Variants in NPAS2 observed in about 807,000 individuals in gnomAD.
NPAS2 encodes neuronal PAS domain protein 2.
Under a neutral mutation model 107.5 loss-of-function variants are expected in NPAS2, and 23 were observed. That is an observed-to-expected ratio of 0.21 (90% CI 0.15 to 0.30). The LOEUF (loss-of-function observed/expected upper bound fraction) is 0.30. NPAS2 is among the 10% of genes least tolerant of loss of function. The probability of loss-of-function intolerance (pLI) is 1.00; values close to 1 mark genes in which losing one functional copy is unlikely to be tolerated. For missense variants in NPAS2, 756 were observed against 1,043.3 expected (o/e 0.72, Z 3.79); for synonymous variants, 403 against 417.5 (o/e 0.97, Z 0.42).
intron 1 of NPAS2, among the ~76,000 whole-genome samples, chr2:100,890,574 G>T (rs1680987700): frequency 1.3e-5 from 2 of 151,900 alleles, no homozygotes. Context: ...CCACTTGAGG[G>T]GCTCCAAATG....
intron 1 of NPAS2, among the ~76,000 whole-genome samples, chr2:100,861,069 G>A (rs1017981566): frequency 4.0e-5 from 6 of 148,486 alleles, no homozygotes; most frequent in Non-Finnish European, 8.9e-5. Flanking sequence ...GTCTCACTTT[G>A]TTGCCCAGGC....
intron 1 of NPAS2, among the ~76,000 whole-genome samples, chr2:100,845,135 C>T (rs890685701): frequency 2.4e-4 from 36 of 152,226 alleles, no homozygotes; most frequent in Admixed American, 4.6e-4. Flanking sequence ...CTGTGTGATC[C>T]GTTAGGGGAG....
chr2:100,931,736 G>A (rs374280376), intron 3 of NPAS2, among the ~76,000 whole-genome samples: 11 of 151,960 alleles, frequency 7.2e-5, no homozygotes, highest in South Asian at 2.1e-4. Flanking sequence ...TGCCCATCTC[G>A]GCCTCCCAAA....
intron 1 of NPAS2, among the ~76,000 whole-genome samples, chr2:100,893,232 T>C (rs980860670): frequency 6.6e-6 from 1 of 152,180 alleles, no homozygotes; most frequent in African/African-American, 2.4e-5. Context: ...ATGTGTGAGA[T>C]ACAGACGTTA....
chr2:100,881,079 T>C (rs928855113), intron 1 of NPAS2, among the ~76,000 whole-genome samples: 3 of 152,182 alleles, frequency 2.0e-5, no homozygotes, highest in Admixed American at 6.5e-5. Context: ...ACCCCAGGGA[T>C]GCTGACGCTG....
intron 7 of NPAS2, among the ~76,000 whole-genome samples, chr2:100,954,909 G>A (rs986521819): frequency 2.0e-4 from 30 of 150,532 alleles, no homozygotes; most frequent in Admixed American, 1.1e-3. Context: ...ACGGAGTCTC[G>A]CTCTGTCACC....
intron 1 of NPAS2, among the ~76,000 whole-genome samples, chr2:100,898,964 T>C (rs1681601016): frequency 6.6e-6 from 1 of 152,200 alleles, no homozygotes; most frequent in Admixed American, 6.5e-5. Context: ...GGACACTTTA[T>C]TTCCTGGGTC....
chr2:100,994,977 G>C (rs557032972), intron 20 of NPAS2: 1 of 168,210 alleles, frequency 5.9e-6, no homozygotes, highest in South Asian at 2.0e-4. Context: ...GGTAGCTACG[G>C]GATCAGGGAC....
intron 5 of NPAS2, among the ~76,000 whole-genome samples, chr2:100,945,904 C>G (rs1465750937): frequency 6.6e-6 from 1 of 152,180 alleles, no homozygotes; most frequent in African/African-American, 2.4e-5. Flanking sequence ...TAATGCCTGT[C>G]ATAGTGCTGG....
chr2:100,937,431 A>T (rs1381145221), intron 4 of NPAS2, among the ~76,000 whole-genome samples: 3 of 152,202 alleles, frequency 2.0e-5, no homozygotes, highest in Admixed American at 6.5e-5. Context: ...CAAGGGTGGT[A>T]TTTCTGAATC....
chr2:100,838,598 G>A (rs1480446412), intron 1 of NPAS2, among the ~76,000 whole-genome samples: 1 of 152,064 alleles, frequency 6.6e-6, no homozygotes, highest in Non-Finnish European at 1.5e-5. Flanking sequence ...AGATTGATTT[G>A]CATAGTCAGT....
intron 11 of NPAS2, among the ~76,000 whole-genome samples, chr2:100,970,352 G>A (rs1174875243): frequency 6.6e-6 from 1 of 152,366 alleles, no homozygotes; most frequent in East Asian, 1.9e-4. Context: ...GAATGAATCA[G>A]GTGGCAGGCG....
intron 5 of NPAS2, among the ~76,000 whole-genome samples, chr2:100,940,258 G>C (rs1573672163): frequency 6.6e-6 from 1 of 152,226 alleles, no homozygotes; most frequent in Non-Finnish European, 1.5e-5. Context: ...GCTTACCCCA[G>C]GGGTAGCTGA....
intron 2 of NPAS2, among the ~76,000 whole-genome samples, chr2:100,915,996 T>G (rs1032550852): frequency 3.9e-5 from 6 of 152,146 alleles, no homozygotes; most frequent in African/African-American, 1.4e-4. Context: ...AGTTTCTAGA[T>G]TCCATTTGAA....
chr2:100,994,157 A>T (rs1311106885), intron 20 of NPAS2: 1 of 152,360 alleles, frequency 6.6e-6, no homozygotes, highest in Non-Finnish European at 1.5e-5. Flanking sequence ...TCCCTCACCC[A>T]TGTGCAGGGT....
intron 3 of NPAS2, among the ~76,000 whole-genome samples, chr2:100,928,886 C>G (rs976805923): frequency 1.3e-5 from 2 of 152,196 alleles, no homozygotes; most frequent in African/African-American, 4.8e-5. Flanking sequence ...AACTCCTCTA[C>G]ATAGAGCTCC....
rs150962008 is a variant in NPAS2, at chr2:100,841,299, A to G, written c.-23+20885A>G. Among the ~76,000 whole-genome samples the G allele has an allele frequency of 4.1e-3, 630 of 152,268 alleles. 31 individuals are homozygous for G. The East Asian group carries it at 0.11, about 26-fold the overall frequency. The stretch of plus-strand genomic sequence containing the variant: ...AAAATACAAAAAAAATTAGCCAGGC[A>G]TGGTGGCAGGCGCCTATAATCCCAG... On this transcript the variant is annotated intron_variant, in intron 1 of 20. Coordinates refer to ENST00000335681, the MANE Select transcript of NPAS2 (RefSeq NM_002518.4).
intron 5 of NPAS2, 99 bp from the exon 6 acceptor site, chr2:100,948,136 A>G (rs1038965675): frequency 3.3e-5 from 45 of 1,353,470 alleles, no homozygotes; most frequent in Middle Eastern, 3.6e-4. Context: ...TCCATTTCAG[A>G]AACCAGTTCT....
At chr2:100,995,275 G>C in intron 20 of NPAS2, 125 bp from the exon 21 acceptor site, 6 of 722,790 alleles carry the variant, frequency 8.3e-6, no homozygotes, top group South Asian at 5.5e-5. Context: ...CTCCCCACAT[G>C]ACCCCCCAAG....
Sources: gnomAD v4.1 joint callset for allele counts (sites outside exome capture counted in the v4.1 genomes callset) on GRCh38, gnomAD v4.1.1 for gene constraint, MANE v1.5 for transcripts, NCBI Gene and HGNC (gene_info 2026-07-23, HGNC 2026-07-21) for gene names.